The following TAFA1 variants were observed in gnomAD, a reference collection of about 807,000 sequenced individuals.
TAFA1 encodes chemokine-like protein TAFA-1.
TAFA1 carries 4 observed loss-of-function variants against 18.5 expected under a neutral mutation model. The observed-to-expected ratio is 0.22, with a 90% CI of 0.11 to 0.49. The LOEUF (loss-of-function observed/expected upper bound fraction) is 0.49, where lower values mean the gene tolerates loss of function less well. Ranked by LOEUF, TAFA1 falls within the 20% of genes least tolerant of loss-of-function variation. The probability of loss-of-function intolerance (pLI) is 0.98; values close to 1 mark genes in which losing one functional copy is unlikely to be tolerated. For synonymous variants in TAFA1, 56 were observed against 55.2 expected (o/e 1.01, Z -0.06); for missense variants, 147 against 169.0 (o/e 0.87, Z 0.72).
chr3:68,411,117 T>A lies in TAFA1; in HGVS notation c.119-6163T>A, dbSNP rs114820640. Among the ~76,000 whole-genome samples, 1,371 of 152,316 alleles carry A rather than the reference T, an allele frequency of 9.0e-3. 15 individuals are homozygous for A. The highest frequency in any genetic ancestry group is 0.032 in the African/African-American group (1,317 of 41,560). On this transcript the variant is annotated intron_variant, in intron 2 of 4. Transcript: ENST00000478136. Reference sequence around the variant, plus strand: ...GGACAATAGATAAGTAAAACCTTTTTGTCTGAGGGAGTCTTGAAAAATTTT... The same window carrying A: ...GGACAATAGATAAGTAAAACCTTTTAGTCTGAGGGAGTCTTGAAAAATTTT...
intron 2 of TAFA1, among the ~76,000 whole-genome samples, chr3:68,159,861 C>G (rs967165739): frequency 6.6e-6 from 1 of 152,190 alleles, no homozygotes; most frequent in Non-Finnish European, 1.5e-5. Context: ...ACTATATAGT[C>G]ACCCCTTTTA....
intron 2 of TAFA1, among the ~76,000 whole-genome samples, chr3:68,280,353 A>T (rs1451387981): frequency 1.3e-5 from 2 of 152,172 alleles, no homozygotes; most frequent in East Asian, 3.9e-4. Flanking sequence ...CTGGCTGGCA[A>T]TCTCTCTTTG....
At chr3:68,497,651 T>G (rs1431652611) in intron 3 of TAFA1, among the ~76,000 whole-genome samples, 1 of 152,134 alleles carries the variant, frequency 6.6e-6, no homozygotes, top group Non-Finnish European at 1.5e-5. Context: ...GAAATGATCT[T>G]GCAAGGAGCC....
At chr3:68,000,545 C>T (rs540730353), upstream of TAFA1, among the ~76,000 whole-genome samples, 5 of 152,302 alleles carry the variant, frequency 3.3e-5, no homozygotes, top group Admixed American at 6.5e-5. Context: ...TGGGTCAGTT[C>T]ATGCAGAGCC....
chr3:68,068,855 T>A (rs1201985711), intron 2 of TAFA1, among the ~76,000 whole-genome samples: 1 of 152,196 alleles, frequency 6.6e-6, no homozygotes, highest in Non-Finnish European at 1.5e-5. Context: ...GCACGTATTA[T>A]GTGAGAATTT....
In TAFA1 at chr3:68,405,699, C is replaced by CAAAAAA. The variant is rs56258198; in HGVS notation, c.119-11545_119-11540dup. Among the ~76,000 whole-genome samples the CAAAAAA allele has an allele frequency of 2.5e-3, 83 of 32,866 alleles. 6 individuals are homozygous for CAAAAAA. The highest frequency in any genetic ancestry group is 4.1e-3 in the Admixed American group (8 of 1,966). 21.6% of individuals were successfully genotyped at this position (32,866 alleles called of 152,430 possible). A position where few individuals can be genotyped will look rare whatever the true frequency, so the allele number is the denominator to read the frequency against. Reference sequence around the variant, plus strand: ...TAGGCAATGGAGTGAGACTCTATCTCAAAAAAAAAAAAAAAAAAAAAAAAA... The same window carrying CAAAAAA: ...TAGGCAATGGAGTGAGACTCTATCTCAAAAAAAAAAAAAAAAAAAAAAAAAAAAAAA... On this transcript the variant is annotated intron_variant, in intron 2 of 4. Coordinates refer to ENST00000478136, the MANE Select transcript of TAFA1 (RefSeq NM_213609.4).
In TAFA1 at chr3:68,362,983, T is replaced by TTTTA. The variant is rs1205554168; in HGVS notation, c.119-54294_119-54293insATTT. ...GATGTAAGCCCTGTCTTGCAGGCTTTTTTTTTTTTTTTTTTTAAATACAGT... is the reference window on the plus strand; with the variant it reads ...GATGTAAGCCCTGTCTTGCAGGCTTTTTTATTTTTTTTTTTTTTTTAAATACAGT... On this transcript the variant is annotated intron_variant, in intron 2 of 4. Coordinates refer to ENST00000478136, the MANE Select transcript of TAFA1 (RefSeq NM_213609.4). Among the ~76,000 whole-genome samples, 3 of 148,438 alleles carry TTTTA rather than the reference T, an allele frequency of 2.0e-5. No individual in the cohort carries two copies. The East Asian group carries it at 6.0e-4, about 30-fold the overall frequency.
chr3:68,409,240 T>C (rs1452415257), intron 2 of TAFA1, among the ~76,000 whole-genome samples: 3 of 152,152 alleles, frequency 2.0e-5, no homozygotes, highest in African/African-American at 7.2e-5. Flanking sequence ...TCCCGGAAAG[T>C]CTGCTGTTGT....
At chr3:68,225,640 C>T (rs1294711637) in intron 2 of TAFA1, among the ~76,000 whole-genome samples, 1 of 152,076 alleles carries the variant, frequency 6.6e-6, no homozygotes, top group East Asian at 1.9e-4. Flanking sequence ...GAGTAGGTAG[C>T]CAGAGTGGAG....
chr3:68,284,040 T>A (rs1202106815), intron 2 of TAFA1, among the ~76,000 whole-genome samples: 5 of 152,220 alleles, frequency 3.3e-5, no homozygotes, highest in African/African-American at 1.2e-4. Context: ...GACCAGGTTG[T>A]CATTAGGCTT....
chr3:68,438,202 A>C (rs1159153623), intron 3 of TAFA1, among the ~76,000 whole-genome samples: 1 of 152,130 alleles, frequency 6.6e-6, no homozygotes, highest in Non-Finnish European at 1.5e-5. Context: ...TACTAAAAAT[A>C]CAAAAATTCA....
intron 2 of TAFA1, among the ~76,000 whole-genome samples, chr3:68,232,087 C>T (rs1332851178): frequency 6.6e-6 from 1 of 152,124 alleles, no homozygotes; most frequent in African/African-American, 2.4e-5. Flanking sequence ...AAACTCTCTT[C>T]TAGATACTTG....
chr3:68,305,227 GT>G (rs149348325), intron 2 of TAFA1, among the ~76,000 whole-genome samples: 16 of 149,736 alleles, frequency 1.1e-4, no homozygotes, highest in African/African-American at 2.2e-4. Context: ...TTTCCCATAT[GT>G]TTTTTTTCCC....
chr3:68,205,032 C>A (rs1320762561), intron 2 of TAFA1, among the ~76,000 whole-genome samples: 1 of 151,726 alleles, frequency 6.6e-6, no homozygotes, highest in Non-Finnish European at 1.5e-5. Flanking sequence ...GTAAAACTGA[C>A]CTTGAATGTA....
intron 2 of TAFA1, among the ~76,000 whole-genome samples, chr3:68,109,357 T>G (rs2065239022): frequency 6.6e-6 from 1 of 152,168 alleles, no homozygotes; most frequent in South Asian, 2.1e-4. Flanking sequence ...GCGACATACT[T>G]TCATGTGTTA....
chr3:68,294,263 T>C (rs147315139), intron 2 of TAFA1, among the ~76,000 whole-genome samples: 10 of 152,320 alleles, frequency 6.6e-5, no homozygotes, highest in Non-Finnish European at 1.3e-4. Flanking sequence ...TATGTTACTT[T>C]AAATTTTCAT....
At position 68,174,200 on chromosome 3, in the gene TAFA1, G is replaced by T. The variant is rs1449282055; in HGVS notation, c.118+167456G>T. On this transcript the variant is annotated intron_variant, in intron 2 of 4. Coordinates refer to ENST00000478136, the MANE Select transcript of TAFA1 (RefSeq NM_213609.4). ...GTTTGCATGGAACTGAAAAATGGTG[G>T]TTGGTATTTTGGTTTAAAAGATAAT... Among the ~76,000 whole-genome samples the T allele has an allele frequency of 3.3e-5, 5 of 152,304 alleles. No individual in the cohort carries two copies. In the South Asian group the frequency reaches 1.0e-3, roughly 32 times the overall value.
At chr3:68,350,234 A>G (rs2106772789) in intron 2 of TAFA1, among the ~76,000 whole-genome samples, 1 of 152,266 alleles carries the variant, frequency 6.6e-6, no homozygotes, top group East Asian at 1.9e-4. Flanking sequence ...TCCCTGCTCT[A>G]GAAGACCTGA....
intron 2 of TAFA1, among the ~76,000 whole-genome samples, chr3:68,254,867 A>T (rs989446089): frequency 6.6e-6 from 1 of 152,138 alleles, no homozygotes; most frequent in Non-Finnish European, 1.5e-5. Flanking sequence ...TGCCAGCAGT[A>T]AGCCAAACCC....
Sources: allele counts gnomAD v4.1 joint callset (sites outside exome capture counted in the v4.1 genomes callset), GRCh38; gene constraint gnomAD v4.1.1; transcripts MANE v1.5; gene names NCBI Gene and HGNC (gene_info 2026-07-23, HGNC 2026-07-21).